Variants in ABCA1 observed in about 807,000 individuals in gnomAD.
ABCA1 encodes the protein ATP binding cassette subfamily A member 1.
In ABCA1, 133 loss-of-function variants were observed where a neutral mutation model predicts 262.5. That is an observed-to-expected ratio of 0.51 (90% CI 0.44 to 0.59). The LOEUF (loss-of-function observed/expected upper bound fraction) is 0.59, where lower values mean the gene tolerates loss of function less well. Ranked by LOEUF, ABCA1 falls within the 20% of genes least tolerant of loss-of-function variation. The pLI, the probability that ABCA1 is intolerant of heterozygous loss-of-function variation, is 0.00. For synonymous variants in ABCA1, 1,022 were observed against 1,043.5 expected (o/e 0.98, Z 0.40); for missense variants, 2,452 against 2,777.5 (o/e 0.88, Z 2.63).
intron 2 of ABCA1, among the ~76,000 whole-genome samples, chr9:104,893,898 AT>A (rs1347213086): frequency 9.8e-5 from 15 of 152,306 alleles, no homozygotes; most frequent in African/African-American, 3.4e-4. Flanking sequence ...CAGCTTGTAG[AT>A]TTATAATACT....
Position 104,819,591 on chromosome 9 carries a change from C to T in ABCA1, c.3236G>A (p.Arg1079Gln). 4 of 1,614,140 alleles carry T rather than the reference C, an allele frequency of 2.5e-6. No individual in the cohort carries two copies. The highest frequency in any genetic ancestry group is 2.5e-6 in the Non-Finnish European group (3 of 1,180,028). The change falls in exon 22 of 50, where the codon CGA becomes CAA. Residue 1079 changes from arginine (R) to glutamine (Q), a missense_variant. This residue lies in a region of ABCA1 where 665 missense variants were observed against 727.3 expected (regional missense o/e 0.91). Transcript: ENST00000374736. ...RGIWELLLKY[R>Q]QGRTIILSTH... Reference sequence around the variant, plus strand: ...AATAAATACACATCAGGCACCTTGTCGGTATTTCAGCAGCAGCTCCCATAT... The same window carrying T: ...AATAAATACACATCAGGCACCTTGTTGGTATTTCAGCAGCAGCTCCCATAT...
Position 104,816,344 on chromosome 9 carries a change from A to C in ABCA1, c.3537T>G (p.Asp1179Glu). 1 of 1,613,466 alleles carries C rather than the reference A, an allele frequency of 6.2e-7. No individual in the cohort carries two copies. Among genetic ancestry groups the C allele is most frequent in the Non-Finnish European group, 8.5e-7 (1 of 1,179,922 alleles). Residue 1179 changes from aspartate (D) to glutamate (E), a missense_variant and splice_region_variant, in exon 25 of 50, where the codon GAT becomes GAG. Transcript: ENST00000374736. The part of the protein sequence containing the change: ...SDHESDTLTI[D>E]VSAISNLIRK... ...TGATGAGGTTGGAGATAGCAGAGAC[A>C]TCTGCAGGGACCAGAATGCAAAGAT...
At position 104,840,389 on chromosome 9, in the gene ABCA1, C is replaced by A. The variant is rs1834258923; in HGVS notation, c.944G>T (p.Gly315Val). ...GTTGAGAGACTTGATCTTCAGCCCC[C>A]CTCCCTCGGGATGCCCGCAGACAAT... ...SRIVCGHPEG[G>V]GLKIKSLNWY... Residue 315 changes from glycine (G) to valine (V), a missense_variant, in exon 9 of 50, where the codon GGG (glycine) becomes GTG (valine). Coordinates refer to ENST00000374736, the MANE Select transcript of ABCA1 (RefSeq NM_005502.4). 1.2e-6 allele frequency: 2 copies of A among 1,614,202 alleles called. No individual in the cohort carries two copies. The highest frequency in any genetic ancestry group is 1.7e-6 in the Non-Finnish European group (2 of 1,180,044).
In ABCA1 at chr9:104,796,045, T is replaced by C. The variant is rs1294047486; in HGVS notation, c.5382+8A>G. On this transcript the variant is annotated splice_region_variant and intron_variant, in intron 39 of 49. Transcript: ENST00000374736. ...TCCCAGCAGGAGTGTTCTCTCTGCA[T>C]GACTCACATTGTCGGTGAACAGCTC... 2 of 1,612,430 alleles carry C rather than the reference T, an allele frequency of 1.2e-6. No homozygotes were observed. The highest frequency in any genetic ancestry group is 1.1e-5 in the South Asian group (1 of 91,006).
chr9:104,903,537 T>A, intron 2 of ABCA1, 77 bp downstream of exon 2: 1 of 1,383,454 alleles, frequency 7.2e-7, no homozygotes, highest in Non-Finnish European at 1.0e-6. Flanking sequence ...CTTCCCTCCC[T>A]CCCTCCTCCA....
chr9:104,894,000 T>A (rs1839992311), intron 2 of ABCA1, among the ~76,000 whole-genome samples: 1 of 152,202 alleles, frequency 6.6e-6, no homozygotes, highest in South Asian at 2.1e-4. Context: ...GTGAGGTAGG[T>A]TGTATCATTA....
chr9:104,793,746 A>G (rs1015955379), intron 40 of ABCA1, among the ~76,000 whole-genome samples: 7 of 152,198 alleles, frequency 4.6e-5, no homozygotes, highest in African/African-American at 1.7e-4. Context: ...ACTAGATTCA[A>G]TTAAATCTAG....
rs1054380062 is a variant in ABCA1, at chr9:104,817,053, A to G, written c.3535+279T>C. ...TGGCCCTCAGCTCCTCATCCCTGGT[A>G]TTCAGTGTCCACTCCCCTAAGGGAT... On this transcript the variant is annotated intron_variant, in intron 24 of 49. Transcript: ENST00000374736. The surrounding 1 kb of genome is among the most constrained non-coding windows in gnomAD (Gnocchi z 4.7). Among the ~76,000 whole-genome samples, 4 of 152,074 alleles carry G rather than the reference A, an allele frequency of 2.6e-5. No individual in the cohort carries two copies. Among genetic ancestry groups the G allele is most frequent in the African/African-American group, 9.7e-5 (4 of 41,402 alleles).
At position 104,814,420 on chromosome 9, in the gene ABCA1, C is replaced by T; in HGVS notation, c.3787+7G>A. 1.9e-6 allele frequency: 3 copies of T among 1,614,056 alleles called. No individual in the cohort carries two copies. The highest frequency in any genetic ancestry group is 1.7e-6 in the Non-Finnish European group (2 of 1,179,912). ...TTAAGTGTGCCATTCTCCCTCAAGGCAGTTACCTGAGGTCTCAGCATCCAC... is the reference window on the plus strand; with the variant it reads ...TTAAGTGTGCCATTCTCCCTCAAGGTAGTTACCTGAGGTCTCAGCATCCAC... On this transcript the variant is annotated splice_region_variant and intron_variant, in intron 26 of 49. Coordinates refer to ENST00000374736, the MANE Select transcript of ABCA1 (RefSeq NM_005502.4).
At chr9:104,879,764 T>C (rs998856362) in intron 5 of ABCA1, among the ~76,000 whole-genome samples, 1 of 152,154 alleles carries the variant, frequency 6.6e-6, no homozygotes, top group Admixed American at 6.5e-5. Context: ...TTAACGGAAA[T>C]GTAGCACTCA....
intron 1 of ABCA1, among the ~76,000 whole-genome samples, chr9:104,912,907 C>T (rs576927547): frequency 6.6e-6 from 1 of 152,202 alleles, no homozygotes; most frequent in Non-Finnish European, 1.5e-5. Context: ...TCATAAACAC[C>T]CTGAGCTACA....
intron 36 of ABCA1, 24 bp from the exon 37 acceptor site, chr9:104,798,622 A>T: frequency 6.2e-7 from 1 of 1,609,962 alleles, no homozygotes; most frequent in Non-Finnish European, 8.5e-7. Flanking sequence ...GCGTGTGAAA[A>T]TCTGAGGGGT....
intron 15 of ABCA1, 69 bp from the exon 16 acceptor site, chr9:104,827,238 G>GA (rs1330286927): frequency 6.7e-6 from 9 of 1,338,348 alleles, no homozygotes; most frequent in African/African-American, 5.8e-5. Context: ...ATGATCTACA[G>GA]AAAAAAGACA....
At chr9:104,852,954 G>C (rs1719653979) in intron 7 of ABCA1, among the ~76,000 whole-genome samples, 1 of 152,202 alleles carries the variant, frequency 6.6e-6, no homozygotes, top group Non-Finnish European at 1.5e-5. Flanking sequence ...AGCCCCATCT[G>C]TATTCTGGGT....
chr9:104,861,522 G>C, intron 6 of ABCA1, 157 bp downstream of exon 6: 2 of 1,068,422 alleles, frequency 1.9e-6, no homozygotes, highest in South Asian at 1.3e-5. Context: ...GGCAATTCCT[G>C]CCTGAATAGG....
At chr9:104,851,089 T>G (rs963413662) in intron 7 of ABCA1, among the ~76,000 whole-genome samples, 22 of 152,202 alleles carry the variant, frequency 1.4e-4, no homozygotes, top group Admixed American at 1.3e-3. Flanking sequence ...ATACCATGTT[T>G]CCTAAAAGCA....
intron 5 of ABCA1, 90 bp downstream of exon 5, chr9:104,882,949 G>C: frequency 1.6e-6 from 2 of 1,273,262 alleles, no homozygotes; most frequent in Non-Finnish European, 1.2e-6. Flanking sequence ...AGATCTAATG[G>C]GAACAAGCCC....
At position 104,812,709 on chromosome 9, in the gene ABCA1, T is replaced by C. The variant is rs959935970; in HGVS notation, c.3915A>G (p.Thr1305=). Reference sequence around the variant, plus strand: ...TGCCATCCATCCCACTGAGCAAGTCTGTCTCTCTGGATTCTGCAAGAAGCC... The same window carrying C: ...TGCCATCCATCCCACTGAGCAAGTCCGTCTCTCTGGATTCTGCAAGAAGCC... ...DSDIDPESRE[T]DLLSGMDGKG... The change falls in exon 28 of 50, where the codon ACA becomes ACG. Residue 1305 remains threonine, a synonymous_variant. Coordinates refer to ENST00000374736, the MANE Select transcript of ABCA1 (RefSeq NM_005502.4). 1 of 1,614,146 alleles carries C rather than the reference T, an allele frequency of 6.2e-7. No individual in the cohort carries two copies. Among genetic ancestry groups the C allele is most frequent in the East Asian group, 2.2e-5 (1 of 44,904 alleles).
At chr9:104,841,625 T>C (rs530006918) in intron 8 of ABCA1, among the ~76,000 whole-genome samples, 1 of 149,874 alleles carries the variant, frequency 6.7e-6, no homozygotes, top group Non-Finnish European at 1.5e-5. Context: ...TAGATGCTTA[T>C]ACCATGGCCT....
Sources: allele counts gnomAD v4.1 joint callset (sites outside exome capture counted in the v4.1 genomes callset), GRCh38; gene constraint gnomAD v4.1.1; regional missense constraint gnomAD v4.1.1; non-coding constraint Gnocchi (gnomAD v3.1); transcripts MANE v1.5; gene names NCBI Gene and HGNC (gene_info 2026-07-23, HGNC 2026-07-21).